MARK3: variants seen among roughly 807,000 people sequenced by gnomAD.
MARK3 encodes the protein MAP/microtubule affinity-regulating kinase 3.
In MARK3, 46 loss-of-function variants were observed where a neutral mutation model predicts 90.1. The observed-to-expected ratio is 0.51, with a 90% CI of 0.40 to 0.65. MARK3 has a LOEUF of 0.65. Among genes scored for constraint, MARK3 ranks in the 30% least tolerant of loss-of-function variants. The pLI is 0.00. For synonymous variants in MARK3, 321 were observed against 332.6 expected, an observed-to-expected ratio of 0.97 and a Z score of 0.38; for missense variants, 818 against 947.2, an observed-to-expected ratio of 0.86 and a Z score of 1.79.
At chr14:103,487,878 C>G (rs1454400822) in intron 14 of MARK3, among the ~76,000 whole-genome samples, 1 of 152,042 alleles carries the variant, frequency 6.6e-6, no homozygotes, top group East Asian at 1.9e-4. Context: ...GAAATCCCGT[C>G]TCTACGAAAA....
intron 14 of MARK3, among the ~76,000 whole-genome samples, chr14:103,488,535 G>A (rs954059782): frequency 1.3e-5 from 2 of 152,018 alleles, no homozygotes; most frequent in Admixed American, 6.6e-5. Context: ...TCCCAAGTCA[G>A]AGAGCAGAAT....
chr14:103,453,590 C>T (rs575625875), intron 5 of MARK3, among the ~76,000 whole-genome samples: 2 of 152,142 alleles, frequency 1.3e-5, no homozygotes, highest in South Asian at 4.1e-4. Flanking sequence ...GTATTTTATA[C>T]TTTATATATG....
chr14:103,398,994 A>T (rs1359662583), intron 1 of MARK3, among the ~76,000 whole-genome samples: 1 of 152,188 alleles, frequency 6.6e-6, no homozygotes, highest in Admixed American at 6.5e-5. Context: ...CATAGTGTAA[A>T]GTTGTTGCTG....
Position 103,405,047 on chromosome 14 carries a change from T to C in MARK3, c.52-29T>C. ...GGCAAGTACTCTGTGTTCTCTCATT[T>C]CCTTATCTTTGTGTATGCTGTATTG... On this transcript the variant is annotated intron_variant, in intron 1 of 17. Coordinates refer to ENST00000429436, the MANE Select transcript of MARK3 (RefSeq NM_001128918.3). 4 of 1,589,050 alleles carry C rather than the reference T, an allele frequency of 2.5e-6. No individual in the cohort carries two copies. In the South Asian group the frequency reaches 4.6e-5, roughly 18 times the overall value.
At chr14:103,471,157 T>TA (rs980758276) in intron 12 of MARK3, among the ~76,000 whole-genome samples, 2 of 152,210 alleles carry the variant, frequency 1.3e-5, no homozygotes, top group African/African-American at 4.8e-5. Flanking sequence ...AATGCCCATA[T>TA]ATTGCCCTGA....
chr14:103,463,089 C>T (rs28711428), intron 7 of MARK3, among the ~76,000 whole-genome samples: 4,252 of 151,954 alleles, frequency 0.028, 219 homozygotes, highest in African/African-American at 0.097. Flanking sequence ...TGTTTATTCA[C>T]TCTCCTTCTC....
At chr14:103,441,243 C>CT (rs1057488000) in intron 3 of MARK3, among the ~76,000 whole-genome samples, 1 of 151,966 alleles carries the variant, frequency 6.6e-6, no homozygotes, top group African/African-American at 2.4e-5. Flanking sequence ...ATTTATCAGT[C>CT]TTTTTTTAAT....
Position 103,503,175 on chromosome 14 carries a change from C to T in MARK3, c.2210C>T (p.Ser737Phe). The T allele has an allele frequency of 6.2e-7, 1 of 1,613,448 alleles. No individual in the cohort carries two copies. The highest frequency in any genetic ancestry group is 8.5e-7 in the Non-Finnish European group (1 of 1,179,440). ...GVRFKRISGT[S>F]IAFKNIASKI... ...CGGTTTAAGCGGATATCGGGGACATCCATAGCCTTCAAAAATATTGCTTCC... is the reference window on the plus strand; with the variant it reads ...CGGTTTAAGCGGATATCGGGGACATTCATAGCCTTCAAAAATATTGCTTCC... Residue 737 changes from serine to phenylalanine, a missense_variant, in exon 18 of 18, where the codon TCC (serine) becomes TTC (phenylalanine). Around this residue, in one of 3 missense-constraint regions of MARK3, gnomAD observed 560 missense variants for 613.5 expected, o/e 0.91. Transcript: ENST00000429436.
chr14:103,426,158 A>T, intron 2 of MARK3, among the ~76,000 whole-genome samples: 1 of 152,118 alleles, frequency 6.6e-6, no homozygotes, highest in East Asian at 1.9e-4. Flanking sequence ...AGGTTACATG[A>T]TGTGTGATAT....
chr14:103,409,435 T>TAAAAAA lies in MARK3; in HGVS notation c.243+4193_243+4198dup, dbSNP rs61200962. Among the ~76,000 whole-genome samples, 128 of 93,416 alleles carry TAAAAAA rather than the reference T, an allele frequency of 1.4e-3. 3 individuals carry two copies. Among genetic ancestry groups the TAAAAAA allele is most frequent in the African/African-American group, 4.7e-3 (113 of 24,106 alleles). The allele number at this position is 93,416 out of a possible 152,430, so 61.3% of individuals were successfully genotyped here. ...TGCACATGTATCCCAGAACTTAAAG[T>TAAAAAA]AAAAAAAAAAAAAAAAAAAAAAAAA... On this transcript the variant is annotated intron_variant, in intron 2 of 17. Coordinates refer to ENST00000429436, the MANE Select transcript of MARK3 (RefSeq NM_001128918.3).
chr14:103,503,165 T>C lies in MARK3; in HGVS notation c.2200T>C (p.Ser734Pro). 1.2e-6 allele frequency: 2 copies of C among 1,614,210 alleles called. No individual in the cohort carries two copies. The highest frequency in any genetic ancestry group is 1.7e-6 in the Non-Finnish European group (2 of 1,180,040). ...GAACGGGGTCCGGTTTAAGCGGATA[T>C]CGGGGACATCCATAGCCTTCAAAAA... ...SLNGVRFKRI[S>P]GTSIAFKNIA... Residue 734 changes from serine to proline, a missense_variant, in exon 18 of 18, where the codon TCG becomes CCG. Transcript: ENST00000429436.
intron 3 of MARK3, among the ~76,000 whole-genome samples, chr14:103,431,898 A>G (rs2092593015): frequency 6.6e-6 from 1 of 152,002 alleles, no homozygotes; most frequent in Non-Finnish European, 1.5e-5. Flanking sequence ...TGCAGAGTAA[A>G]TCCCCTCAGC....
Position 103,474,461 on chromosome 14 carries a change from C to T in MARK3, c.1265-532C>T, listed in dbSNP as rs147540293. On this transcript the variant is annotated intron_variant, in intron 12 of 17. Coordinates refer to ENST00000429436, the MANE Select transcript of MARK3 (RefSeq NM_001128918.3). ...TGACCTCCACCGACTTCCTCCCTGT[C>T]GCTTGCATGATTCCTCTGCTTCTAC... Among the ~76,000 whole-genome samples the T allele has an allele frequency of 1.9e-4, 18 of 96,738 alleles. 1 individual carries two copies. The highest frequency in any genetic ancestry group is 8.7e-4 in the Admixed American group (8 of 9,188). The allele number at this position is 96,738 out of a possible 152,430, so 63.5% of individuals were successfully genotyped here.
chr14:103,435,076 A>G (rs777439083), intron 3 of MARK3, among the ~76,000 whole-genome samples: 10 of 152,202 alleles, frequency 6.6e-5, no homozygotes, highest in Non-Finnish European at 1.3e-4. Flanking sequence ...AGGGAAACTT[A>G]TAATTTGAAA....
intron 14 of MARK3, among the ~76,000 whole-genome samples, chr14:103,480,919 A>C (rs924871834): frequency 5.9e-5 from 9 of 152,240 alleles, no homozygotes; most frequent in African/African-American, 2.2e-4. Context: ...AAAGGTCCGC[A>C]GTTTACCAAA....
chr14:103,441,705 G>A (rs2092861049), intron 3 of MARK3: 1 of 152,118 alleles, frequency 6.6e-6, no homozygotes, highest in Admixed American at 6.6e-5. Flanking sequence ...TTACGAGGTA[G>A]GGATCCAGTT....
intron 2 of MARK3, among the ~76,000 whole-genome samples, chr14:103,427,886 T>C (rs62007684): frequency 0.26 from 39,206 of 152,108 alleles, 6,261 homozygotes; most frequent in Middle Eastern, 0.44. Flanking sequence ...AGCAGGGTCT[T>C]TGTGACCTGT....
chr14:103,397,181 GC>G, intron 1 of MARK3, among the ~76,000 whole-genome samples: 1 of 152,126 alleles, frequency 6.6e-6, no homozygotes, highest in East Asian at 1.9e-4. Flanking sequence ...GGCAGGAATT[GC>G]CCCTTGTTTC....
intron 3 of MARK3, among the ~76,000 whole-genome samples, chr14:103,447,364 A>G (rs1463818813): frequency 1.3e-5 from 2 of 152,152 alleles, no homozygotes; most frequent in Non-Finnish European, 2.9e-5. Context: ...TGCTAATTCA[A>G]TTTTAGATTA....
Sources: gnomAD v4.1 joint callset for allele counts (sites outside exome capture counted in the v4.1 genomes callset) on GRCh38, gnomAD v4.1.1 for gene constraint, gnomAD v4.1.1 regional missense constraint, MANE v1.5 for transcripts, NCBI Gene and HGNC (gene_info 2026-07-23, HGNC 2026-07-21) for gene names.